Variants in SEC11C observed in about 807,000 individuals in gnomAD.
SEC11C encodes signal peptidase complex catalytic subunit SEC11C.
SEC11C carries 10 observed loss-of-function variants against 21.9 expected under a neutral mutation model. The ratio of observed to expected loss-of-function variants is 0.46; its 90% CI spans 0.28 to 0.77. The LOEUF (loss-of-function observed/expected upper bound fraction) is 0.77. Among genes scored for constraint, SEC11C ranks in the 30% least tolerant of loss-of-function variants. The pLI is 0.12. For synonymous variants in SEC11C, 83 were observed against 85.6 expected, an observed-to-expected ratio of 0.97 and a Z score of 0.17; for missense variants, 145 against 244.5, an observed-to-expected ratio of 0.59 and a Z score of 2.71.
rs1603377853 is a variant in SEC11C at position 59,152,807 on chromosome 18, C to G, written c.347+122C>G. 31 of 794,764 alleles carry G rather than the reference C, an allele frequency of 3.9e-5. No homozygotes were observed. In the East Asian group the frequency reaches 8.3e-4, roughly 21 times the overall value. 49.2% of individuals were successfully genotyped at this position (794,764 alleles called of 1,614,324 possible). A position where few individuals can be genotyped will look rare whatever the true frequency, so the allele number is the denominator to read the frequency against. Reference sequence around the variant, plus strand: ...GTTCTGCCATTGACTCACTGGGTGACTTTGGACCAAATGCTTAACTCTTTC... The same window carrying G: ...GTTCTGCCATTGACTCACTGGGTGAGTTTGGACCAAATGCTTAACTCTTTC... On this transcript the variant is annotated intron_variant, in intron 3 of 5. Transcript: ENST00000587834.
intron 1 of SEC11C, among the ~76,000 whole-genome samples, chr18:59,145,388 G>C (rs2069261258): frequency 1.3e-5 from 2 of 152,214 alleles, no homozygotes; most frequent in African/African-American, 2.4e-5. Flanking sequence ...GGTCTAGCCA[G>C]TCAGGGCAGG....
chr18:59,154,580 A>C (rs1270559407), intron 3 of SEC11C, among the ~76,000 whole-genome samples: 1 of 152,166 alleles, frequency 6.6e-6, no homozygotes, highest in Non-Finnish European at 1.5e-5. Flanking sequence ...TTTCCTTGCA[A>C]ATTTGACTTT....
At chr18:59,152,436 T>G in intron 2 of SEC11C, 100 bp from the exon 3 acceptor site, 8 of 1,334,458 alleles carry the variant, frequency 6.0e-6, no homozygotes, top group Non-Finnish European at 8.1e-6. Context: ...TTATAGCTCC[T>G]GAGACCTACT....
At chr18:59,140,537 C>A (rs565228800) in intron 1 of SEC11C, among the ~76,000 whole-genome samples, 74 of 152,328 alleles carry the variant, frequency 4.9e-4, no homozygotes, top group African/African-American at 1.7e-3. Context: ...AGTTGTTTTT[C>A]CCCTGACCGT....
chr18:59,148,765 C>T (rs992590612), intron 1 of SEC11C, among the ~76,000 whole-genome samples: 46 of 152,256 alleles, frequency 3.0e-4, no homozygotes, highest in African/African-American at 9.6e-4. Flanking sequence ...AGGCGCCCAC[C>T]GCCACGCCCG....
Position 59,152,594 on chromosome 18 carries a change from G to C in SEC11C, c.256G>C (p.Glu86Gln). The change falls in exon 3 of 6, where the codon GAA becomes CAA. Residue 86 changes from glutamate to glutamine, a missense_variant. Transcript: ENST00000587834. ...GDLLFLTNFR[E>Q]DPIRAGEIVV... ...CCTCCTGTTCCTCACAAATTTCCGG[G>C]AAGACCCAATCAGAGCTGGTGAAAT... The C allele has an allele frequency of 6.2e-7, 1 of 1,613,518 alleles. No homozygotes were observed. Among genetic ancestry groups the C allele is most frequent in the Non-Finnish European group, 8.5e-7 (1 of 1,179,906 alleles).
At chr18:59,146,204 T>G (rs1418447491) in intron 1 of SEC11C, among the ~76,000 whole-genome samples, 1 of 152,148 alleles carries the variant, frequency 6.6e-6, no homozygotes, top group Non-Finnish European at 1.5e-5. Flanking sequence ...ACTCCAGACG[T>G]GTTTGGAAAG....
At chr18:59,142,083 C>A (rs1425371676) in intron 1 of SEC11C, among the ~76,000 whole-genome samples, 1 of 152,098 alleles carries the variant, frequency 6.6e-6, no homozygotes, top group Non-Finnish European at 1.5e-5. Flanking sequence ...CCGCAGTCAG[C>A]TTGTCAGTAG....
rs1032986690 is a variant in SEC11C, at chr18:59,158,538, C to T, written c.526-94C>T. On this transcript the variant is annotated intron_variant, in intron 5 of 5. Coordinates refer to ENST00000587834, the MANE Select transcript of SEC11C (RefSeq NM_033280.4). ...AGAGGTAATCTTTTGATTCTGTCCT[C>T]AGCGCAGTATTTAACGGACTTCATC... 4 of 938,022 alleles carry T rather than the reference C, an allele frequency of 4.3e-6. No individual in the cohort carries two copies. In the African/African-American group the frequency reaches 4.9e-5, roughly 11 times the overall value. 58.1% of individuals were successfully genotyped at this position (938,022 alleles called of 1,614,324 possible). A position where few individuals can be genotyped will look rare whatever the true frequency, so the allele number is the denominator to read the frequency against.
chr18:59,140,165 G>A (rs756957809), intron 1 of SEC11C, 130 bp downstream of exon 1: 2 of 746,114 alleles, frequency 2.7e-6, no homozygotes, highest in Non-Finnish European at 4.3e-6. Flanking sequence ...CCCGCGCTGG[G>A]CTCTCAGGCC....
chr18:59,156,267 AG>A (rs1160620617), intron 4 of SEC11C: 3 of 156,586 alleles, frequency 1.9e-5, no homozygotes, highest in Admixed American at 6.5e-5. Context: ...ATTACAAGAA[AG>A]TCTCCCAGAG....
chr18:59,146,499 A>G (rs964745925), intron 1 of SEC11C, among the ~76,000 whole-genome samples: 3 of 152,054 alleles, frequency 2.0e-5, no homozygotes, highest in Admixed American at 2.0e-4. Flanking sequence ...GAAGACAAGA[A>G]AGTGGTGAGA....
At chr18:59,150,214 T>C (rs1346521111) in intron 2 of SEC11C, among the ~76,000 whole-genome samples, 1 of 152,238 alleles carries the variant, frequency 6.6e-6, no homozygotes, top group Non-Finnish European at 1.5e-5. Flanking sequence ...GTTTGGGAAC[T>C]GATAGGTGCT....
chr18:59,149,455 C>T (rs555565320), intron 1 of SEC11C, 58 bp from the exon 2 acceptor site: 3 of 1,128,538 alleles, frequency 2.7e-6, no homozygotes, highest in Non-Finnish European at 4.0e-6. Context: ...TCCAGCTTCA[C>T]AGGTTGGTGG....
At chr18:59,157,382 A>G in intron 4 of SEC11C, 2 of 429,234 alleles carry the variant, frequency 4.7e-6, no homozygotes, top group South Asian at 4.8e-5. Flanking sequence ...CAGCATCACT[A>G]TCTCAACCCA....
At chr18:59,155,378 TG>T (rs1398108597) in intron 3 of SEC11C, among the ~76,000 whole-genome samples, 1 of 152,222 alleles carries the variant, frequency 6.6e-6, no homozygotes, top group Non-Finnish European at 1.5e-5. Context: ...CCAGAAGCCA[TG>T]TGGTAAGAAG....
intron 1 of SEC11C, among the ~76,000 whole-genome samples, chr18:59,143,344 C>A (rs2069232464): frequency 1.1e-5 from 1 of 91,056 alleles, no homozygotes; most frequent in Non-Finnish European, 1.9e-5. Context: ...CAGAGTGAGA[C>A]TCCATTTCAA....
intron 5 of SEC11C, among the ~76,000 whole-genome samples, 155 bp downstream of exon 5, chr18:59,157,820 GC>G (rs895775902): frequency 3.3e-5 from 5 of 152,180 alleles, no homozygotes; most frequent in Admixed American, 1.3e-4. Context: ...GTCATTTAAA[GC>G]AGCAACACTT....
chr18:59,147,504 G>C (rs2069290353), intron 1 of SEC11C: 1 of 152,350 alleles, frequency 6.6e-6, no homozygotes, highest in African/African-American at 2.4e-5. Flanking sequence ...AAGGAAACAA[G>C]ATCAGCCAAA....
Sources: allele counts gnomAD v4.1 joint callset (sites outside exome capture counted in the v4.1 genomes callset), GRCh38; gene constraint gnomAD v4.1.1; transcripts MANE v1.5; gene names NCBI Gene and HGNC (gene_info 2026-07-23, HGNC 2026-07-21).